PDE1C: variants seen among roughly 807,000 people sequenced by gnomAD.
PDE1C encodes dual specificity calcium/calmodulin-dependent 3',5'-cyclic nucleotide phosphodiesterase 1C.
PDE1C carries 62 observed loss-of-function variants against 93.1 expected under a neutral mutation model. The ratio of observed to expected loss-of-function variants is 0.67; its 90% CI spans 0.54 to 0.82. The LOEUF (loss-of-function observed/expected upper bound fraction) is 0.82. Ranked by LOEUF, PDE1C falls within the 40% of genes least tolerant of loss-of-function variation. PDE1C has a pLI of 0.00. For synonymous variants in PDE1C, 325 were observed against 310.1 expected, an observed-to-expected ratio of 1.05 and a Z score of -0.50; for missense variants, 742 against 884.6, an observed-to-expected ratio of 0.84 and a Z score of 2.04.
intron 2 of PDE1C, among the ~76,000 whole-genome samples, chr7:32,003,350 G>A (rs559905374): frequency 8.9e-4 from 135 of 152,324 alleles, no homozygotes; most frequent in African/African-American, 3.1e-3. Flanking sequence ...ATATCTCTGC[G>A]AATAGATGGT....
chr7:31,955,807 C>A (rs1808054458), intron 2 of PDE1C, among the ~76,000 whole-genome samples: 1 of 152,206 alleles, frequency 6.6e-6, no homozygotes. Context: ...CCACAAGAGT[C>A]CCGCCTGCCA....
intron 1 of PDE1C, among the ~76,000 whole-genome samples, chr7:32,312,675 T>C (rs138632395): frequency 0.042 from 6,371 of 152,292 alleles, 277 homozygotes; most frequent in South Asian, 0.18. Flanking sequence ...ATTTAATAAA[T>C]GGTGCTGGGA....
chr7:32,405,545 C>A (rs1562710130), intron 1 of PDE1C, among the ~76,000 whole-genome samples: 1 of 152,160 alleles, frequency 6.6e-6, no homozygotes. Context: ...CCGTGCCCGG[C>A]CTAACTTGTT....
At chr7:32,333,511 T>A (rs1783552663) in intron 1 of PDE1C, among the ~76,000 whole-genome samples, 2 of 152,214 alleles carry the variant, frequency 1.3e-5, no homozygotes, top group South Asian at 4.1e-4. Context: ...GTGTACATGC[T>A]CTTTGTCACT....
intron 2 of PDE1C, among the ~76,000 whole-genome samples, chr7:31,950,194 A>C (rs1208962960): frequency 6.6e-6 from 1 of 152,114 alleles, no homozygotes; most frequent in Non-Finnish European, 1.5e-5. Context: ...ATTTATCAAA[A>C]CTCTTTACGT....
the PDE1C span, chr7:31,652,634 C>T: frequency 1.2e-6 from 2 of 1,613,786 alleles, no homozygotes; most frequent in Non-Finnish European, 1.7e-6. Context: ...CAGGCATGGC[C>T]CCGAGGACTG....
At chr7:32,105,940 A>C (rs747577638) in intron 3 of PDE1C, among the ~76,000 whole-genome samples, 2 of 152,140 alleles carry the variant, frequency 1.3e-5, no homozygotes. Flanking sequence ...CCCACAATCC[A>C]TAAGAACCAC....
chr7:31,788,177 G>A (rs1784205162), intron 16 of PDE1C: 1 of 152,082 alleles, frequency 6.6e-6, no homozygotes, highest in Admixed American at 6.6e-5. Flanking sequence ...ATTATAAAAT[G>A]GAAGCTGTAG....
At position 31,752,877 on chromosome 7, in the gene PDE1C, T is replaced by A. The variant is rs1794206545; in HGVS notation, c.*507A>T. 1 of 152,232 alleles carries A rather than the reference T, an allele frequency of 6.6e-6. No homozygotes were observed. The highest frequency in any genetic ancestry group is 2.1e-4 in the South Asian group (1 of 4,836). The allele number at this position is 152,232 out of a possible 1,614,324, so 9.4% of individuals were successfully genotyped here. On this transcript the variant is annotated 3_prime_UTR_variant, in exon 18 of 18. Coordinates refer to ENST00000396191, the MANE Select transcript of PDE1C (RefSeq NM_001191057.4). ...TCAGAAGCACAACTTCTGTTTTGAA[T>A]ACATTTACTTTGATAGTTACATATT...
At chr7:31,954,640 T>G (rs1164353797) in intron 2 of PDE1C, among the ~76,000 whole-genome samples, 5 of 152,214 alleles carry the variant, frequency 3.3e-5, no homozygotes, top group Non-Finnish European at 5.9e-5. Context: ...GTTATCTATC[T>G]ATTCTTTTCT....
chr7:32,144,041 T>C (rs1311081361), intron 3 of PDE1C, among the ~76,000 whole-genome samples: 1 of 151,966 alleles, frequency 6.6e-6, no homozygotes, highest in East Asian at 1.9e-4. Flanking sequence ...TCCCAGGCAA[T>C]GAGCAGAAAC....
intron 16 of PDE1C, chr7:31,787,884 T>C (rs1784177503): frequency 6.6e-6 from 1 of 152,236 alleles, no homozygotes; most frequent in African/African-American, 2.4e-5. Flanking sequence ...TAGCATCATA[T>C]AATATAGCAT....
At chr7:32,387,837 G>A (rs1784670208) in intron 1 of PDE1C, among the ~76,000 whole-genome samples, 1 of 119,840 alleles carries the variant, frequency 8.3e-6, no homozygotes, top group Non-Finnish European at 1.8e-5. Flanking sequence ...CCAGGACGGG[G>A]CGGCTGGCCG....
At chr7:31,969,132 G>A (rs548245024) in intron 2 of PDE1C, among the ~76,000 whole-genome samples, 79 of 152,206 alleles carry the variant, frequency 5.2e-4, no homozygotes, top group African/African-American at 1.9e-3. Context: ...TTGACAAATG[G>A]GATCTGATTA....
upstream of PDE1C, among the ~76,000 whole-genome samples, chr7:32,303,245 T>C (rs1379548479): frequency 1.3e-5 from 2 of 152,204 alleles, no homozygotes; most frequent in African/African-American, 4.8e-5. Flanking sequence ...TGAGTTGCTA[T>C]TGCTTGAAAC....
intron 2 of PDE1C, among the ~76,000 whole-genome samples, chr7:31,982,145 A>G (rs1223033744): frequency 6.6e-6 from 1 of 152,184 alleles, no homozygotes. Flanking sequence ...TGTCTCCTCC[A>G]AGGAGTCAAC....
At chr7:31,759,451 C>T (rs934267347) in intron 17 of PDE1C, among the ~76,000 whole-genome samples, 19 of 152,322 alleles carry the variant, frequency 1.2e-4, no homozygotes, top group African/African-American at 4.6e-4. Flanking sequence ...ATCCCCACCC[C>T]TGCCACAAAT....
At chr7:31,886,800 T>TA (rs1380490723) in intron 2 of PDE1C, among the ~76,000 whole-genome samples, 14 of 148,396 alleles carry the variant, frequency 9.4e-5, no homozygotes, top group African/African-American at 3.3e-4. Context: ...TTTTCGGATC[T>TA]TTTCAGAATA....
intron 3 of PDE1C, among the ~76,000 whole-genome samples, chr7:32,109,237 T>A (rs965893149): frequency 6.6e-6 from 1 of 152,110 alleles, no homozygotes; most frequent in African/African-American, 2.4e-5. Context: ...TTTGAAAATT[T>A]TAAAAAAGAT....
Sources: allele counts gnomAD v4.1 joint callset (sites outside exome capture counted in the v4.1 genomes callset), GRCh38; gene constraint gnomAD v4.1.1; transcripts MANE v1.5; gene names NCBI Gene and HGNC (gene_info 2026-07-23, HGNC 2026-07-21).